Variants in BAZ2B observed in about 807,000 individuals in gnomAD.
BAZ2B encodes the protein bromodomain adjacent to zinc finger domain protein 2B.
Under a neutral mutation model 246.0 loss-of-function variants are expected in BAZ2B, and 91 were observed. The observed-to-expected ratio is 0.37, with a 90% CI of 0.31 to 0.44. The LOEUF is 0.44. Among genes scored for constraint, BAZ2B ranks in the 20% least tolerant of loss-of-function variants. The pLI is 1.00. For missense variants in BAZ2B, 2,332 were observed against 2,533.7 expected, an observed-to-expected ratio of 0.92 and a Z score of 1.71; for synonymous variants, 855 against 860.0, an observed-to-expected ratio of 0.99 and a Z score of 0.10.
intron 1 of BAZ2B, among the ~76,000 whole-genome samples, chr2:159,609,842 G>A (rs1270202722): frequency 6.6e-6 from 1 of 151,556 alleles, no homozygotes; most frequent in East Asian, 1.9e-4. Flanking sequence ...CAGGCTCCAT[G>A]TGAGTGGAAT....
chr2:159,639,683 A>T, the BAZ2B span, among the ~76,000 whole-genome samples: 2 of 152,160 alleles, frequency 1.3e-5, no homozygotes, highest in Non-Finnish European at 2.9e-5. Context: ...ATCAGAAAAC[A>T]TACAATGGAT....
At chr2:159,334,079 C>T (rs1031475846) in intron 33 of BAZ2B, among the ~76,000 whole-genome samples, 4 of 151,920 alleles carry the variant, frequency 2.6e-5, no homozygotes, top group African/African-American at 4.8e-5. Context: ...TATGTATATC[C>T]CTGTAACAAC....
chr2:159,477,240 G>C (rs1287812416), intron 3 of BAZ2B, among the ~76,000 whole-genome samples: 1 of 152,134 alleles, frequency 6.6e-6, no homozygotes, highest in Non-Finnish European at 1.5e-5. Flanking sequence ...AGGTGGTGGA[G>C]CTTGCAGTGA....
intron 2 of BAZ2B, among the ~76,000 whole-genome samples, chr2:159,512,316 G>A (rs1316981392): frequency 6.6e-6 from 1 of 152,078 alleles, no homozygotes; most frequent in Non-Finnish European, 1.5e-5. Flanking sequence ...GAAGGCAAAA[G>A]GTTTAAGTTT....
Position 159,320,147 on chromosome 2 carries a change from C to G in BAZ2B, c.*118G>C. 2 of 917,278 alleles carry G rather than the reference C, an allele frequency of 2.2e-6. No individual in the cohort carries two copies. Among genetic ancestry groups the G allele is most frequent in the Non-Finnish European group, 2.9e-6 (2 of 678,186 alleles). 56.8% of individuals were successfully genotyped at this position (917,278 alleles called of 1,614,324 possible). A position where few individuals can be genotyped will look rare whatever the true frequency, so the allele number is the denominator to read the frequency against. ...ATTCTTCTGATACTTTTTTTTTATA[C>G]TTAAGGAAAAAGAAAGTCATTATGT... On this transcript the variant is annotated 3_prime_UTR_variant, in exon 37 of 37. Transcript: ENST00000392783.
At chr2:159,477,018 T>C (rs961463601) in intron 3 of BAZ2B, among the ~76,000 whole-genome samples, 3 of 152,144 alleles carry the variant, frequency 2.0e-5, no homozygotes, top group African/African-American at 7.2e-5. Flanking sequence ...AAAAAATATA[T>C]AGTGCGGCTG....
chr2:159,439,458 T>G (rs1455629412), intron 6 of BAZ2B, among the ~76,000 whole-genome samples: 1 of 152,204 alleles, frequency 6.6e-6, no homozygotes, highest in Non-Finnish European at 1.5e-5. Context: ...ATAGCATATG[T>G]GTAGATGTAC....
At chr2:159,483,211 T>G (rs1391012497) in intron 2 of BAZ2B, among the ~76,000 whole-genome samples, 2 of 152,170 alleles carry the variant, frequency 1.3e-5, no homozygotes, top group African/African-American at 4.8e-5. Flanking sequence ...GGTCATTTTT[T>G]TTTGAGAACA....
intron 30 of BAZ2B, among the ~76,000 whole-genome samples, chr2:159,347,895 T>G (rs2058106299): frequency 6.6e-6 from 1 of 152,168 alleles, no homozygotes; most frequent in Admixed American, 6.5e-5. Context: ...AAATAGTTTG[T>G]TGAGTAAAAC....
At chr2:159,384,141 T>C (rs2112117) in intron 23 of BAZ2B, among the ~76,000 whole-genome samples, 10,664 of 152,056 alleles carry the variant, frequency 0.07, 1,239 homozygotes, top group African/African-American at 0.24. Context: ...ATGATATTCT[T>C]TACCATTCTG....
chr2:159,523,970 A>G (rs564409498), intron 2 of BAZ2B, among the ~76,000 whole-genome samples: 8 of 152,320 alleles, frequency 5.3e-5, no homozygotes, highest in African/African-American at 9.6e-5. Flanking sequence ...CTGATTTAAA[A>G]TTTGTGGTAA....
the BAZ2B span, among the ~76,000 whole-genome samples, chr2:159,674,408 A>C: frequency 1.3e-5 from 2 of 150,912 alleles, no homozygotes; most frequent in Admixed American, 1.3e-4. Flanking sequence ...AGAGAAGAGA[A>C]GAAAAGAAAA....
At chr2:159,658,690 T>C in the BAZ2B span, among the ~76,000 whole-genome samples, 2 of 152,042 alleles carry the variant, frequency 1.3e-5, no homozygotes. Flanking sequence ...GGATAATTCT[T>C]TGTATTTTAG....
chr2:159,431,646 A>T (rs1216568124), intron 9 of BAZ2B, among the ~76,000 whole-genome samples: 1 of 152,196 alleles, frequency 6.6e-6, no homozygotes, highest in East Asian at 1.9e-4. Context: ...TTCTATTTAC[A>T]TACAAGACTT....
chr2:159,330,617 C>T (rs756271558), intron 34 of BAZ2B, among the ~76,000 whole-genome samples: 9 of 151,662 alleles, frequency 5.9e-5, no homozygotes, highest in African/African-American at 1.7e-4. Flanking sequence ...TCCCAGACTT[C>T]GGAGGCTGTA....
chr2:159,445,840 T>C (rs2074159002), intron 6 of BAZ2B, among the ~76,000 whole-genome samples: 1 of 152,118 alleles, frequency 6.6e-6, no homozygotes. Context: ...CCCAGCCACA[T>C]GTGGTGGTTC....
chr2:159,429,087 C>T, intron 11 of BAZ2B, 113 bp downstream of exon 11: 2 of 660,980 alleles, frequency 3.0e-6, no homozygotes, highest in Non-Finnish European at 4.7e-6. Flanking sequence ...CTAATAAATA[C>T]TATGCAGCTA....
intron 8 of BAZ2B, 91 bp from the exon 9 acceptor site, chr2:159,433,454 G>C: frequency 8.8e-7 from 1 of 1,142,822 alleles, no homozygotes; most frequent in Non-Finnish European, 1.2e-6. Context: ...ACAAATTATA[G>C]CTATTATATC....
At chr2:159,638,692 T>A in the BAZ2B span, among the ~76,000 whole-genome samples, 1 of 149,600 alleles carries the variant, frequency 6.7e-6, no homozygotes, top group Non-Finnish European at 1.5e-5. Flanking sequence ...TATTTAAAAA[T>A]ACAAAGTCAG....
Sources: gnomAD v4.1 joint callset for allele counts (sites outside exome capture counted in the v4.1 genomes callset) on GRCh38, gnomAD v4.1.1 for gene constraint, MANE v1.5 for transcripts, NCBI Gene and HGNC (gene_info 2026-07-23, HGNC 2026-07-21) for gene names.